KCNB2: variants seen among roughly 807,000 people sequenced by gnomAD.
KCNB2 encodes the protein potassium voltage-gated channel subfamily B member 2.
A neutral mutation model predicts 61.5 loss-of-function variants in KCNB2; 15 were observed. The ratio of observed to expected loss-of-function variants is 0.24; its 90% confidence interval spans 0.16 to 0.38. KCNB2 has a LOEUF of 0.38. Among genes scored for constraint, KCNB2 ranks in the 10% least tolerant of loss-of-function variants. The pLI is 1.00. For missense variants in KCNB2, 828 were observed against 1,125.2 expected (o/e 0.74, Z 3.78); for synonymous variants, 457 against 446.0 (o/e 1.02, Z -0.31).
intron 2 of KCNB2, among the ~76,000 whole-genome samples, chr8:72,841,216 A>T (rs939071490): frequency 3.3e-5 from 5 of 151,878 alleles, no homozygotes; most frequent in African/African-American, 1.2e-4. Flanking sequence ...ATGGTTGTAG[A>T]TGTGTGGCAT....
chr8:72,773,624 G>A (rs556286420), intron 2 of KCNB2, among the ~76,000 whole-genome samples: 1 of 152,192 alleles, frequency 6.6e-6, no homozygotes, highest in South Asian at 2.1e-4. Context: ...TGTGGGGAGG[G>A]GCCTAAAGTC....
chr8:72,677,418 C>A (rs954154308), intron 2 of KCNB2, among the ~76,000 whole-genome samples: 4 of 152,200 alleles, frequency 2.6e-5, no homozygotes, highest in Non-Finnish European at 5.9e-5. Flanking sequence ...CATGGGAATT[C>A]CCATCAGCAC....
At chr8:72,561,115 G>A (rs953724890) in intron 1 of KCNB2, among the ~76,000 whole-genome samples, 1 of 151,512 alleles carries the variant, frequency 6.6e-6, no homozygotes, top group African/African-American at 2.4e-5. Flanking sequence ...TTTCATCTGA[G>A]TGTATCTAAA....
intron 2 of KCNB2, among the ~76,000 whole-genome samples, chr8:72,759,946 AG>A (rs1218220808): frequency 1.3e-5 from 2 of 152,198 alleles, no homozygotes; most frequent in Admixed American, 1.3e-4. Context: ...CACTGGCAGA[AG>A]CAAGGAAACT....
intron 2 of KCNB2, among the ~76,000 whole-genome samples, chr8:72,909,689 T>C (rs934378012): frequency 3.3e-5 from 5 of 151,970 alleles, no homozygotes; most frequent in African/African-American, 1.2e-4. Context: ...ACTCAGGTAG[T>C]GGCAAAAAGG....
intron 2 of KCNB2, among the ~76,000 whole-genome samples, chr8:72,932,926 A>G (rs551095146): frequency 1.6e-3 from 245 of 152,348 alleles, no homozygotes; most frequent in Non-Finnish European, 2.6e-3. Flanking sequence ...TGAATCATTT[A>G]TCTAAAGTGC....
In KCNB2 at chr8:72,618,846, A is replaced by T. The variant is rs9632833; in HGVS notation, c.579+50533A>T. 5.2e-3 allele frequency: 1,260 copies of T among 241,624 alleles called. 16 individuals are homozygous for T. The highest frequency in any genetic ancestry group is 0.027 in the African/African-American group (1,188 of 43,274). The allele number at this position is 241,624 out of a possible 1,614,324, so 15.0% of individuals were successfully genotyped here. The stretch of plus-strand genomic sequence containing the variant: ...CAGCATTAAATCTAAATAGAACTCC[A>T]TTTTTTTCTTCAAAGGTATGGTCTA... On this transcript the variant is annotated intron_variant, in intron 2 of 2. Transcript: ENST00000523207.
At position 72,582,661 on chromosome 8, in the gene KCNB2, A is replaced by G. The variant is rs1585765270; in HGVS notation, c.579+14348A>G. On this transcript the variant is annotated intron_variant, in intron 2 of 2. Coordinates refer to ENST00000523207, the MANE Select transcript of KCNB2 (RefSeq NM_004770.3). ...AAGATCTTGCTCTTTTCCTCAGGCT[A>G]CAGTGCAGTGATGCCATCATAGCTC... Among the ~76,000 whole-genome samples the G allele has an allele frequency of 2.0e-5, 3 of 152,338 alleles. No homozygotes were observed. The East Asian group carries it at 5.8e-4, about 29-fold the overall frequency.
chr8:72,626,292 C>A (rs1045326500), intron 2 of KCNB2, among the ~76,000 whole-genome samples: 3 of 152,226 alleles, frequency 2.0e-5, no homozygotes, highest in Admixed American at 2.0e-4. Context: ...CAAATTTGAA[C>A]TGCCAGTCAC....
rs1490054746 is a variant in KCNB2 at position 72,715,047 on chromosome 8, A to G, written c.579+146734A>G. ...TAAAACAGACTTTAAACCAACAAAG[A>G]TCAAAAGAGACAAAGAAGGCCATTA... On this transcript the variant is annotated intron_variant, in intron 2 of 2. Coordinates refer to ENST00000523207, the MANE Select transcript of KCNB2 (RefSeq NM_004770.3). Among the ~76,000 whole-genome samples, 3 of 152,210 alleles carry G rather than the reference A, an allele frequency of 2.0e-5. No individual in the cohort carries two copies. In the South Asian group the frequency reaches 6.2e-4, roughly 32 times the overall value.
At chr8:72,550,677 G>A (rs559350237) in intron 1 of KCNB2, among the ~76,000 whole-genome samples, 1 of 152,194 alleles carries the variant, frequency 6.6e-6, no homozygotes, top group African/African-American at 2.4e-5. Flanking sequence ...CTTAAGCTAT[G>A]TGGTTCTTTT....
chr8:72,681,726 A>G (rs1346100530), intron 2 of KCNB2, among the ~76,000 whole-genome samples: 1 of 152,230 alleles, frequency 6.6e-6, no homozygotes, highest in Admixed American at 6.5e-5. Context: ...CCAGCAGCAC[A>G]GTAGGATTGT....
At chr8:72,773,244 G>A (rs918125816) in intron 2 of KCNB2, among the ~76,000 whole-genome samples, 21 of 152,264 alleles carry the variant, frequency 1.4e-4, no homozygotes, top group Admixed American at 5.2e-4. Context: ...TAAGCTGCAC[G>A]TCATGAAAAC....
At chr8:72,770,839 A>G (rs1323758871) in intron 2 of KCNB2, among the ~76,000 whole-genome samples, 1 of 152,244 alleles carries the variant, frequency 6.6e-6, no homozygotes, top group Non-Finnish European at 1.5e-5. Context: ...ATGTGTATTC[A>G]TTGTGTATAA....
rs554656988 is a variant in KCNB2, at chr8:72,560,584, GA to G, written c.-93-7055del. On this transcript the variant is annotated intron_variant, in intron 1 of 2. Coordinates refer to ENST00000523207, the MANE Select transcript of KCNB2 (RefSeq NM_004770.3). ...GTGAGTCTGGGAAGACTTGCAAAAG[GA>G]AAGATTTAGAAGGACACACCTTGGA... 3.7e-4 allele frequency among the ~76,000 whole-genome samples: 57 copies of G among 152,222 alleles called. 2 individuals are homozygous for G. The South Asian group carries it at 0.011, about 30-fold the overall frequency.
chr8:72,573,984 A>G (rs572260301), intron 2 of KCNB2, among the ~76,000 whole-genome samples: 1 of 152,222 alleles, frequency 6.6e-6, no homozygotes, highest in Non-Finnish European at 1.5e-5. Flanking sequence ...AAGAGTTCAG[A>G]GATGTTAACA....
At chr8:72,631,825 C>T (rs1156298673) in intron 2 of KCNB2, among the ~76,000 whole-genome samples, 2 of 152,170 alleles carry the variant, frequency 1.3e-5, no homozygotes, top group Non-Finnish European at 2.9e-5. Context: ...ATGACCTGGT[C>T]TTCAGCCTTG....
At chr8:72,910,627 G>C (rs929783032) in intron 2 of KCNB2, among the ~76,000 whole-genome samples, 1 of 152,174 alleles carries the variant, frequency 6.6e-6, no homozygotes, top group Non-Finnish European at 1.5e-5. Flanking sequence ...AGTCAATAAA[G>C]GTAAGGACTG....
chr8:72,745,742 G>T lies in KCNB2; in HGVS notation c.579+177429G>T, dbSNP rs144181156. Among the ~76,000 whole-genome samples the T allele has an allele frequency of 5.6e-3, 849 of 152,184 alleles. 4 individuals are homozygous for T. The highest frequency in any genetic ancestry group is 7.7e-3 in the Non-Finnish European group (523 of 67,982). ...GGTTGATCTCTGATCTCCAGCCCCT[G>T]CTGCCCTCCCCAGAGATGGAGTTGA... On this transcript the variant is annotated intron_variant, in intron 2 of 2. Coordinates refer to ENST00000523207, the MANE Select transcript of KCNB2 (RefSeq NM_004770.3).
Sources: gnomAD v4.1 joint callset for allele counts (sites outside exome capture counted in the v4.1 genomes callset) on GRCh38, gnomAD v4.1.1 for gene constraint, MANE v1.5 for transcripts, NCBI Gene and HGNC (gene_info 2026-07-23, HGNC 2026-07-21) for gene names.